Variants in AAAS observed in about 807,000 individuals in gnomAD.
AAAS encodes the protein aladin.
Under a neutral mutation model 75.6 loss-of-function variants are expected in AAAS, and 60 were observed. The ratio of observed to expected loss-of-function variants is 0.79; its 90% CI spans 0.64 to 0.98. The LOEUF (loss-of-function observed/expected upper bound fraction) is 0.98. AAAS is among the 50% of genes least tolerant of loss of function. The probability of loss-of-function intolerance (pLI) is 0.00; values close to 1 mark genes in which losing one functional copy is unlikely to be tolerated. For missense variants in AAAS, 658 were observed against 686.9 expected (o/e 0.96, Z 0.47); for synonymous variants, 271 against 265.0 (o/e 1.02, Z -0.22).
At position 53,315,370 on chromosome 12, in the gene AAAS, A is replaced by G; in HGVS notation, c.364T>C (p.Ser122Pro). ...GGGAACAGGGACCCATGGAGGGAAG[A>G]GGCCCATCGACAGAGTGCCAGGGCC... ...GWALALCRWASSLHGSLFPHL... is the reference protein window; with the variant it reads ...GWALALCRWAPSLHGSLFPHL... Residue 122 changes from serine (S) to proline (P), a missense_variant, in exon 4 of 16, where the codon TCT becomes CCT. Coordinates refer to ENST00000209873, the MANE Select transcript of AAAS (RefSeq NM_015665.6). 7 of 1,614,186 alleles carry G rather than the reference A, an allele frequency of 4.3e-6. No individual in the cohort carries two copies. The highest frequency in any genetic ancestry group is 5.9e-6 in the Non-Finnish European group (7 of 1,180,046).
intron 7 of AAAS, among the ~76,000 whole-genome samples, chr12:53,312,559 CCTT>C (rs1214700823): frequency 5.7e-5 from 3 of 52,880 alleles, no homozygotes; most frequent in East Asian, 6.0e-4. Flanking sequence ...GAGTGAAACT[CCTT>C]CTCAAAAAAA....
Position 53,315,547 on chromosome 12 carries a change from C to T in AAAS, c.308-121G>A, listed in dbSNP as rs1012294794. On this transcript the variant is annotated intron_variant, in intron 3 of 15. Coordinates refer to ENST00000209873, the MANE Select transcript of AAAS (RefSeq NM_015665.6). ...GGTCCTTCTGCCCAGTAAGTGCTCT[C>T]AACACCACACTCTGGACACCCACTC... is the stretch of plus-strand genomic sequence containing the variant. 1.0e-5 allele frequency: 12 copies of T among 1,181,030 alleles called. No individual in the cohort carries two copies. In the African/African-American group the frequency reaches 1.4e-4, roughly 13 times the overall value. The allele number at this position is 1,181,030 out of a possible 1,614,324, so 73.2% of individuals were successfully genotyped here. A position where few individuals can be genotyped will look rare whatever the true frequency, so the allele number is the denominator to read the frequency against.
At position 53,314,746 on chromosome 12, in the gene AAAS, C is replaced by A; in HGVS notation, c.545+5G>T. 1 of 1,612,640 alleles carries A rather than the reference C, an allele frequency of 6.2e-7. No individual in the cohort carries two copies. The highest frequency in any genetic ancestry group is 8.5e-7 in the Non-Finnish European group (1 of 1,179,496). ...TCAGAGCCCACCTGGTGTCCCCACA[C>A]ACACCTGCTGGCATTATACACACGG... On this transcript the variant is annotated splice_donor_5th_base_variant and intron_variant, in intron 6 of 15. Coordinates refer to ENST00000209873, the MANE Select transcript of AAAS (RefSeq NM_015665.6).
intron 2 of AAAS, among the ~76,000 whole-genome samples, chr12:53,317,179 C>A (rs371410421): frequency 6.6e-6 from 1 of 152,228 alleles, no homozygotes; most frequent in East Asian, 1.9e-4. Flanking sequence ...AATCCCAGCA[C>A]GCTGGGAGGC....
At chr12:53,308,390 C>A (rs1944329544) in intron 12 of AAAS, 41 bp from the exon 13 acceptor site, 2 of 1,614,122 alleles carry the variant, frequency 1.2e-6, no homozygotes, top group Non-Finnish European at 8.5e-7. Flanking sequence ...AGTGTGGTCC[C>A]TCCCACCTGC....
chr12:53,318,249 T>TGTGTGTGC (rs1307873736), intron 2 of AAAS, among the ~76,000 whole-genome samples: 1,661 of 140,698 alleles, frequency 0.012, 29 homozygotes, highest in African/African-American at 0.042. Flanking sequence ...TGTGTGCGTG[T>TGTGTGTGC]GTGTGTGTGT....
At position 53,321,384 on chromosome 12, in the gene AAAS, C is replaced by G; in HGVS notation, c.82G>C (p.Gly28Arg). The G allele has an allele frequency of 6.2e-7, 1 of 1,614,222 alleles. No individual in the cohort carries two copies. Among genetic ancestry groups the G allele is most frequent in the South Asian group, 1.1e-5 (1 of 91,092 alleles). The change falls in exon 1 of 16, where the codon GGC becomes CGC. Residue 28 changes from glycine (G) to arginine (R), a missense_variant. By Grantham distance (125) the Gly-to-Arg change is moderately radical. Coordinates refer to ENST00000209873, the MANE Select transcript of AAAS (RefSeq NM_015665.6). ...LYEHNNELVTGSSYESPPPDF... is the reference protein window; with the variant it reads ...LYEHNNELVTRSSYESPPPDF... The stretch of plus-strand genomic sequence containing the variant: ...GGGGGCGGGCTCTCATAGCTACTGC[C>G]CGTCACCAGCTCGTTATTGTGCTCA...
In AAAS at chr12:53,308,804, C is replaced by T. The variant is rs1944337829; in HGVS notation, c.1008G>A (p.Trp336Ter). 1 of 1,614,012 alleles carries T rather than the reference C, an allele frequency of 6.2e-7. No individual in the cohort carries two copies. The highest frequency in any genetic ancestry group is 1.3e-5 in the African/African-American group (1 of 75,026). The change falls in exon 11 of 16, where the codon TGG becomes TGA. Residue 336 changes from tryptophan to a stop codon, truncating the protein, a stop_gained. Transcript: ENST00000209873. LOFTEE classifies it high-confidence loss of function. ...TLSGRCQTGC[W>*]SPDGSRLLFT... ...ACAGCAGTCGGCTGCCATCTGGGCT[C>T]CAGCAGCCAGTCTGGGGTCAGGGAG...
chr12:53,310,093 G>A (rs1159078328), intron 7 of AAAS, among the ~76,000 whole-genome samples: 1 of 152,192 alleles, frequency 6.6e-6, no homozygotes, highest in East Asian at 1.9e-4. Context: ...ATCCAGCCTG[G>A]CCATCCATCT....
intron 7 of AAAS, among the ~76,000 whole-genome samples, chr12:53,311,392 G>C (rs968229986): frequency 2.0e-5 from 3 of 152,164 alleles, no homozygotes; most frequent in African/African-American, 7.2e-5. Flanking sequence ...CTCCTGAGTA[G>C]CTGGGATTAT....
At chr12:53,309,345 CCT>C (rs1944350356) in intron 8 of AAAS, 64 bp from the exon 9 acceptor site, 8 of 1,607,422 alleles carry the variant, frequency 5.0e-6, no homozygotes, top group Middle Eastern at 2.2e-4. Context: ...AGTGGGCTGG[CCT>C]CTCTAATGTA....
intron 7 of AAAS, among the ~76,000 whole-genome samples, chr12:53,311,271 A>T (rs535261603): frequency 5.6e-4 from 85 of 152,082 alleles, no homozygotes; most frequent in East Asian, 3.7e-3. Context: ...ATTTAAAAAA[A>T]TTTTTTTAAA....
At chr12:53,320,321 A>G (rs1281039841) in intron 2 of AAAS, among the ~76,000 whole-genome samples, 4 of 152,196 alleles carry the variant, frequency 2.6e-5, no homozygotes, top group African/African-American at 9.6e-5. Context: ...GCAAGTTACT[A>G]GAGATGAAAT....
chr12:53,320,628 T>C lies in AAAS; in HGVS notation c.188A>G (p.His63Arg), dbSNP rs1220511599. The stretch of plus-strand genomic sequence containing the variant: ...ATGGATGAAGGCAGTTCTTGTGCCA[T>C]GGTCCAGCCTTCCAGGGGTCTTTAG... ...DPLKTPGRLD[H>R]GTRTAFIHHR... Residue 63 changes from histidine to arginine, a missense_variant, in exon 2 of 16, where the codon CAT (histidine) becomes CGT (arginine). Coordinates refer to ENST00000209873, the MANE Select transcript of AAAS (RefSeq NM_015665.6). The C allele has an allele frequency of 3.1e-6, 5 of 1,614,218 alleles. No homozygotes were observed. Among genetic ancestry groups the C allele is most frequent in the South Asian group, 1.1e-5 (1 of 91,084 alleles).
Position 53,308,136 on chromosome 12 carries a change from G to A in AAAS, c.1250-3C>T, listed in dbSNP as rs1944322280. ...ACCATCCTGTACCCTTGGCTTTCCT[G>A]TAAGAAATGGATCCAGGGATAGGGG... On this transcript the variant is annotated splice_polypyrimidine_tract_variant and splice_region_variant and intron_variant, in intron 13 of 15. Transcript: ENST00000209873. 2 of 1,614,186 alleles carry A rather than the reference G, an allele frequency of 1.2e-6. No individual in the cohort carries two copies. Among genetic ancestry groups the A allele is most frequent in the Non-Finnish European group, 8.5e-7 (1 of 1,180,022 alleles).
chr12:53,314,379 G>T lies in AAAS; in HGVS notation c.608C>A (p.Pro203His), dbSNP rs1157050817. The T allele has an allele frequency of 6.2e-7, 1 of 1,614,166 alleles. No individual in the cohort carries two copies. ...QRNVASLAWK[P>H]LSASVLAVAC... ...CACAGCCAAGACAGAGGCACTAAGG[G>T]GCTTCCAGGCCAGAGACGCCACATT... The change falls in exon 7 of 16, where the codon CCC becomes CAC. Residue 203 changes from proline (P) to histidine (H), a missense_variant. Transcript: ENST00000209873.
At chr12:53,318,237 T>TGTGTGTGTGTGTGTGTGTGTGC in intron 2 of AAAS, among the ~76,000 whole-genome samples, 1 of 130,932 alleles carries the variant, frequency 7.6e-6, no homozygotes, top group African/African-American at 3.1e-5. Flanking sequence ...TGTGTGTGTG[T>TGTGTGTGTGTGTGTGTGTGTGC]GTGTGTGCGT....
intron 7 of AAAS, among the ~76,000 whole-genome samples, chr12:53,311,571 A>C (rs1405328507): frequency 1.3e-5 from 2 of 152,024 alleles, no homozygotes; most frequent in Non-Finnish European, 2.9e-5. Context: ...GTCTGTGAAT[A>C]GCCACTGTAT....
Position 53,307,667 on chromosome 12 carries a change from T to C in AAAS, c.1463A>G (p.Asn488Ser), listed in dbSNP as rs1565776073. ...RIAHIPLYFV[N>S]AQFPRFSPVL... ...TGGGCTAAAACGTGGAAACTGGGCA[T>C]TGACAAAGTACAGCGGGATGTGGGC... Residue 488 changes from asparagine to serine, a missense_variant, in exon 16 of 16, where the codon AAT becomes AGT. By Grantham distance (46) the Asn-to-Ser change is conservative. Coordinates refer to ENST00000209873, the MANE Select transcript of AAAS (RefSeq NM_015665.6). The C allele has an allele frequency of 6.2e-7, 1 of 1,614,166 alleles. No homozygotes were observed. Among genetic ancestry groups the C allele is most frequent in the Non-Finnish European group, 8.5e-7 (1 of 1,180,032 alleles).
Sources: allele counts gnomAD v4.1 joint callset (sites outside exome capture counted in the v4.1 genomes callset), GRCh38; gene constraint gnomAD v4.1.1; transcripts MANE v1.5; gene names NCBI Gene and HGNC (gene_info 2026-07-23, HGNC 2026-07-21).